The following HMGB1 variants were observed in gnomAD, a reference collection of about 807,000 sequenced individuals.
HMGB1 encodes high mobility group box 1.
For missense variants in HMGB1, 79 were observed against 253.5 expected, an observed-to-expected ratio of 0.31 and a Z score of 4.67; for synonymous variants, 81 against 84.0, an observed-to-expected ratio of 0.96 and a Z score of 0.19.
chr13:30,472,253 T>G (rs9315011), intron 1 of HMGB1, among the ~76,000 whole-genome samples: 3 of 151,700 alleles, frequency 2.0e-5, no homozygotes, highest in Non-Finnish European at 4.4e-5. Flanking sequence ...TGCCACAGAG[T>G]GAGACTCTGT....
intron 1 of HMGB1, among the ~76,000 whole-genome samples, chr13:30,544,494 T>A (rs1180908010): frequency 6.6e-6 from 1 of 152,204 alleles, no homozygotes; most frequent in Non-Finnish European, 1.5e-5. Context: ...TAGGCAATGA[T>A]GTAGTCCATC....
At chr13:30,585,977 A>C (rs186248798) in intron 1 of HMGB1, among the ~76,000 whole-genome samples, 1 of 152,148 alleles carries the variant, frequency 6.6e-6, no homozygotes, top group Non-Finnish European at 1.5e-5. Context: ...ATCGGTTCTC[A>C]GTACTCTCCA....
intron 1 of HMGB1, among the ~76,000 whole-genome samples, chr13:30,564,379 T>C (rs60555757): frequency 0.1 from 15,310 of 151,168 alleles, 1,179 homozygotes; most frequent in East Asian, 0.4. Flanking sequence ...GGCACAAGAA[T>C]CATTTGAACC....
At chr13:30,477,784 C>T (rs1293100468) in intron 1 of HMGB1, among the ~76,000 whole-genome samples, 1 of 152,180 alleles carries the variant, frequency 6.6e-6, no homozygotes, top group Non-Finnish European at 1.5e-5. Flanking sequence ...GCAGAAGTCC[C>T]TCTGCCAGTG....
At chr13:30,492,297 C>T (rs1887514057) in intron 1 of HMGB1, among the ~76,000 whole-genome samples, 1 of 151,360 alleles carries the variant, frequency 6.6e-6, no homozygotes, top group African/African-American at 2.4e-5. Context: ...TGAGAACAGC[C>T]TGGGCAACAC....
chr13:30,585,665 CAA>C (rs1160349577), intron 1 of HMGB1, among the ~76,000 whole-genome samples: 1 of 137,306 alleles, frequency 7.3e-6, no homozygotes, highest in Non-Finnish European at 1.6e-5. Flanking sequence ...GACTCCATCT[CAA>C]AAAAAAAAAG....
chr13:30,500,680 C>A (rs1477240087), intron 1 of HMGB1, among the ~76,000 whole-genome samples: 1 of 149,098 alleles, frequency 6.7e-6, no homozygotes, highest in Non-Finnish European at 1.5e-5. Flanking sequence ...TAGCTGGGAT[C>A]ACAGGTGTGC....
At chr13:30,571,451 T>C (rs537532972) in intron 1 of HMGB1, among the ~76,000 whole-genome samples, 26 of 152,262 alleles carry the variant, frequency 1.7e-4, no homozygotes, top group African/African-American at 5.1e-4. Flanking sequence ...TGTGCCACCA[T>C]GCCCGGCTAA....
At chr13:30,463,383 G>T (rs193056442) in intron 2 of HMGB1, 31 bp from the exon 3 acceptor site, 10 of 1,573,180 alleles carry the variant, frequency 6.4e-6, no homozygotes, top group Non-Finnish European at 8.6e-6. Flanking sequence ...AGTTTAAGTT[G>T]TAACATTTAA....
chr13:30,538,697 C>CCTTTA lies in HMGB1; in HGVS notation c.-14-75004_-14-75003insTAAAG, dbSNP rs1485586035. ...CTTTCTTTCTTTCCTTTCTTTCTTT[C>CCTTTA]TTTCTTTTTCTTTCTTTCTTCTTTT... On this transcript the variant is annotated intron_variant, in intron 1 of 4. Coordinates refer to the HMGB1 transcript ENST00000405805. Among the ~76,000 whole-genome samples, 162 of 42,972 alleles carry CCTTTA rather than the reference C, an allele frequency of 3.8e-3. 2 individuals carry two copies. Among genetic ancestry groups the CCTTTA allele is most frequent in the African/African-American group, 0.011 (151 of 13,400 alleles). The allele number at this position is 42,972 out of a possible 152,430, so 28.2% of individuals were successfully genotyped here.
intron 1 of HMGB1, among the ~76,000 whole-genome samples, chr13:30,599,297 C>T (rs769038990): frequency 6.4e-4 from 97 of 152,080 alleles, no homozygotes; most frequent in Non-Finnish European, 1.3e-3. Flanking sequence ...GGAGAAACCC[C>T]GTCTCTACTA....
At chr13:30,553,625 A>T (rs1869534298) in intron 1 of HMGB1, 1 of 634,768 alleles carries the variant, frequency 1.6e-6, no homozygotes. Flanking sequence ...CTTAGGAGCC[A>T]ACCTCACTCT....
In HMGB1 at chr13:30,461,411, C is replaced by G; in HGVS notation, c.594G>C (p.Glu198Asp). The G allele has an allele frequency of 6.3e-7, 1 of 1,590,260 alleles. No individual in the cohort carries two copies. Among genetic ancestry groups the G allele is most frequent in the Non-Finnish European group, 8.5e-7 (1 of 1,171,536 alleles). Residue 198 changes from glutamate (E) to aspartate (D), a missense_variant, in exon 5 of 5, where the codon GAG (glutamate) becomes GAC (aspartate). Transcript: ENST00000341423. Reference protein sequence around the residue: ...EEDEEDEEDEEEEEDEEDEDE... With the variant: ...EEDEEDEEDEDEEEDEEDEDE... Reference sequence around the variant, plus strand: ...CTTCATCTTCTTCATCTTCCTCCTCCTCCTCATCCTCTTCATCTTCCTCAT... The same window carrying G: ...CTTCATCTTCTTCATCTTCCTCCTCGTCCTCATCCTCTTCATCTTCCTCAT...
chr13:30,604,802 C>T (rs1359675456), intron 1 of HMGB1, among the ~76,000 whole-genome samples: 13 of 152,074 alleles, frequency 8.5e-5, no homozygotes, highest in Admixed American at 7.9e-4. Flanking sequence ...GGACTACGGG[C>T]GCGTGCCACC....
At chr13:30,581,385 C>T (rs1870895454) in intron 1 of HMGB1, among the ~76,000 whole-genome samples, 1 of 152,152 alleles carries the variant, frequency 6.6e-6, no homozygotes, top group Admixed American at 6.5e-5. Flanking sequence ...TAATGGCCCA[C>T]AGGCTGAATC....
chr13:30,529,013 G>C (rs1593292738), intron 1 of HMGB1, among the ~76,000 whole-genome samples: 1 of 135,888 alleles, frequency 7.4e-6, no homozygotes, highest in South Asian at 2.3e-4. Flanking sequence ...TGGGCGACAG[G>C]GCGAGACTGC....
At chr13:30,490,277 G>T (rs1210742697) in intron 1 of HMGB1, among the ~76,000 whole-genome samples, 6 of 152,048 alleles carry the variant, frequency 3.9e-5, no homozygotes, top group Non-Finnish European at 1.5e-5. Context: ...TATCACTGTA[G>T]GTCTTGGCTC....
At position 30,546,931 on chromosome 13, in the gene HMGB1, A is replaced by C. The variant is rs78430235; in HGVS notation, c.-15+69740T>G. Among the ~76,000 whole-genome samples, 1,292 of 152,338 alleles carry C rather than the reference A, an allele frequency of 8.5e-3. 18 individuals carry two copies. Among genetic ancestry groups the C allele is most frequent in the African/African-American group, 0.029 (1,213 of 41,568 alleles). On this transcript the variant is annotated intron_variant, in intron 1 of 4. Coordinates refer to the HMGB1 transcript ENST00000405805. Reference sequence around the variant, plus strand: ...CTACAACACACACATTTGTAGGTGTAGGTTTCATGCTGTTAATTACCACTG... The same window carrying C: ...CTACAACACACACATTTGTAGGTGTCGGTTTCATGCTGTTAATTACCACTG...
intron 1 of HMGB1, among the ~76,000 whole-genome samples, chr13:30,537,792 G>A (rs1868526042): frequency 1.3e-5 from 2 of 150,162 alleles, no homozygotes; most frequent in Non-Finnish European, 3.0e-5. Context: ...TTCTGTACAC[G>A]CCCTCTGTTG....
Sources: gnomAD v4.1 joint callset for allele counts (sites outside exome capture counted in the v4.1 genomes callset) on GRCh38, gnomAD v4.1.1 for gene constraint, MANE v1.5 for transcripts, NCBI Gene and HGNC (gene_info 2026-07-23, HGNC 2026-07-21) for gene names.